The following RALYL variants were observed in gnomAD, a reference collection of about 807,000 sequenced individuals.
The protein encoded by RALYL is RALY RNA binding protein like.
Under a neutral mutation model 35.1 loss-of-function variants are expected in RALYL, and 29 were observed. That is an observed-to-expected ratio of 0.83 (90% CI 0.61 to 1.13). RALYL has a LOEUF of 1.13. Among genes scored for constraint, RALYL ranks in the 50% most tolerant of loss-of-function variants. The probability of loss-of-function intolerance (pLI) is 0.00; values close to 1 mark genes in which losing one functional copy is unlikely to be tolerated. For missense variants in RALYL, 359 were observed against 360.4 expected (o/e 1.00, Z 0.03); for synonymous variants, 120 against 127.6 (o/e 0.94, Z 0.40).
At chr8:84,451,090 G>A (rs951136429) in intron 1 of RALYL, among the ~76,000 whole-genome samples, 4 of 151,804 alleles carry the variant, frequency 2.6e-5, no homozygotes, top group Admixed American at 2.6e-4. Context: ...ATTTCTATTC[G>A]GGTAAATAAG....
chr8:84,460,747 T>C (rs2050675150), intron 1 of RALYL, among the ~76,000 whole-genome samples: 1 of 151,704 alleles, frequency 6.6e-6, no homozygotes. Flanking sequence ...TTTCATTGTA[T>C]ATTTTTTCAT....
chr8:84,337,514 A>G (rs1312383012), intron 1 of RALYL, among the ~76,000 whole-genome samples: 2 of 152,116 alleles, frequency 1.3e-5, no homozygotes, highest in African/African-American at 2.4e-5. Flanking sequence ...CTTAATGTCT[A>G]TACATGGCTA....
intron 1 of RALYL, among the ~76,000 whole-genome samples, chr8:84,503,626 G>A (rs1019448865): frequency 1.3e-5 from 2 of 152,032 alleles, no homozygotes; most frequent in Non-Finnish European, 2.9e-5. Flanking sequence ...CAAGGAGGGT[G>A]GATCACAAGG....
intron 1 of RALYL, among the ~76,000 whole-genome samples, chr8:84,304,605 A>AT (rs67838018): frequency 4.0e-5 from 6 of 151,828 alleles, no homozygotes; most frequent in Non-Finnish European, 8.8e-5. Flanking sequence ...AGTTTACACT[A>AT]TTTTTTTTAA....
At chr8:84,384,387 C>T (rs16912773) in intron 1 of RALYL, among the ~76,000 whole-genome samples, 4,287 of 151,738 alleles carry the variant, frequency 0.028, 193 homozygotes, top group African/African-American at 0.097. Flanking sequence ...ACGTTACTCC[C>T]CTAATTCCTG....
intron 1 of RALYL, among the ~76,000 whole-genome samples, chr8:84,502,914 A>C (rs200194192): frequency 1.7e-5 from 1 of 57,980 alleles, no homozygotes; most frequent in East Asian, 4.7e-4. Flanking sequence ...CCCACTCTTT[A>C]AAAAAAAAAA....
At chr8:84,380,689 T>C (rs1033581286) in intron 1 of RALYL, among the ~76,000 whole-genome samples, 2 of 151,960 alleles carry the variant, frequency 1.3e-5, no homozygotes, top group Non-Finnish European at 2.9e-5. Context: ...CTCTTCTTAT[T>C]GAAAGGCTAC....
chr8:84,308,867 T>C (rs1184667072), intron 1 of RALYL, among the ~76,000 whole-genome samples: 3 of 152,022 alleles, frequency 2.0e-5, no homozygotes, highest in Admixed American at 6.6e-5. Context: ...ATTTCTAAAA[T>C]AAGGCATTCT....
intron 2 of RALYL, among the ~76,000 whole-genome samples, chr8:84,612,102 A>G (rs1213881063): frequency 6.7e-6 from 1 of 150,200 alleles, no homozygotes; most frequent in Non-Finnish European, 1.5e-5. Context: ...TTTCTCTTAG[A>G]TTGTGGTTTG....
At chr8:84,723,126 G>C (rs575019470) in intron 2 of RALYL, among the ~76,000 whole-genome samples, 1 of 152,120 alleles carries the variant, frequency 6.6e-6, no homozygotes, top group South Asian at 2.1e-4. Context: ...TGAGGCATCA[G>C]AATGGGTGTA....
rs890396515 is a variant in RALYL, at chr8:84,802,596, CA to C, written c.333-2165del. On this transcript the variant is annotated intron_variant, in intron 3 of 8. Transcript: ENST00000521268. ...CCAACAGTTGCTTGTCTGAAACCTT[CA>C]AAAAAAAAGAGAGAGAGAGAGAAAT... Among the ~76,000 whole-genome samples, 4 of 148,242 alleles carry C rather than the reference CA, an allele frequency of 2.7e-5. No individual in the cohort carries two copies. In the South Asian group the frequency reaches 6.4e-4, roughly 24 times the overall value.
chr8:84,247,546 GA>G (rs991033829), intron 1 of RALYL, among the ~76,000 whole-genome samples: 16 of 148,684 alleles, frequency 1.1e-4, no homozygotes, highest in South Asian at 4.3e-4. Flanking sequence ...AAAAAAAAAA[GA>G]AAAAAAAACT....
chr8:84,241,807 G>A (rs372195700), intron 1 of RALYL, among the ~76,000 whole-genome samples: 15 of 151,806 alleles, frequency 9.9e-5, no homozygotes, highest in African/African-American at 3.6e-4. Flanking sequence ...TCTGTATGGA[G>A]GAGGTCTTAC....
intron 2 of RALYL, among the ~76,000 whole-genome samples, chr8:84,698,567 A>G (rs1839592002): frequency 1.3e-5 from 2 of 152,146 alleles, no homozygotes; most frequent in Non-Finnish European, 2.9e-5. Context: ...ACTACCACAT[A>G]TATAAAATAA....
chr8:84,875,387 G>A (rs1840941511), intron 7 of RALYL, among the ~76,000 whole-genome samples: 1 of 152,104 alleles, frequency 6.6e-6, no homozygotes, highest in Admixed American at 6.6e-5. Context: ...CTTTCAGTTT[G>A]CTGCAATGAC....
chr8:84,637,663 T>C (rs1825362038), intron 2 of RALYL, among the ~76,000 whole-genome samples: 1 of 151,818 alleles, frequency 6.6e-6, no homozygotes, highest in African/African-American at 2.4e-5. Context: ...CAGTACAAGG[T>C]CTGCATATCT....
At chr8:84,418,985 G>T (rs1047539362) in intron 1 of RALYL, among the ~76,000 whole-genome samples, 1 of 151,942 alleles carries the variant, frequency 6.6e-6, no homozygotes, top group Middle Eastern at 3.2e-3. Flanking sequence ...TGTCCCAACT[G>T]CAGCCTAGTT....
chr8:84,459,549 A>G (rs1411616538), intron 1 of RALYL, among the ~76,000 whole-genome samples: 1 of 151,782 alleles, frequency 6.6e-6, no homozygotes, highest in East Asian at 1.9e-4. Context: ...GGTTAAACAG[A>G]AGTACCAACA....
intron 2 of RALYL, among the ~76,000 whole-genome samples, chr8:84,716,437 T>C (rs1220858267): frequency 6.6e-6 from 1 of 152,196 alleles, no homozygotes; most frequent in Non-Finnish European, 1.5e-5. Flanking sequence ...AATTGAGGTA[T>C]GAGGAAAAAT....
Sources: allele counts gnomAD v4.1 joint callset (sites outside exome capture counted in the v4.1 genomes callset), GRCh38; gene constraint gnomAD v4.1.1; transcripts MANE v1.5; gene names NCBI Gene and HGNC (gene_info 2026-07-23, HGNC 2026-07-21).